ABCA13: variants seen among roughly 807,000 people sequenced by gnomAD.
ABCA13 encodes the protein ATP-binding cassette sub-family A member 13.
ABCA13 carries 476 observed loss-of-function variants against 478.7 expected under a neutral mutation model. The observed-to-expected ratio is 0.99, with a 90% CI of 0.92 to 1.07. ABCA13 has a LOEUF of 1.07. Among genes scored for constraint, ABCA13 ranks in the 50% least tolerant of loss-of-function variants. The pLI, the probability that ABCA13 is intolerant of heterozygous loss-of-function variation, is 0.00. For synonymous variants in ABCA13, 2,252 were observed against 2,158.9 expected (o/e 1.04, Z -1.20); for missense variants, 6,060 against 5,910.6 (o/e 1.03, Z -0.83).
intron 2 of ABCA13, among the ~76,000 whole-genome samples, chr7:48,197,919 G>A (rs1038349634): frequency 3.9e-5 from 6 of 152,054 alleles, no homozygotes; most frequent in South Asian, 2.1e-4. Flanking sequence ...TACAGAGAGC[G>A]GTGTCTGGAA....
At chr7:48,199,197 A>G (rs1020858043) in intron 3 of ABCA13, among the ~76,000 whole-genome samples, 5 of 152,382 alleles carry the variant, frequency 3.3e-5, no homozygotes, top group Admixed American at 3.3e-4. Context: ...GAGGAAAATT[A>G]AAAGTTTCCA....
chr7:48,412,956 C>T (rs113978527), intron 41 of ABCA13, among the ~76,000 whole-genome samples: 15 of 149,664 alleles, frequency 1.0e-4, no homozygotes, highest in African/African-American at 2.5e-4. Context: ...GGAATACAGG[C>T]GCCCGCCACC....
intron 35 of ABCA13, among the ~76,000 whole-genome samples, chr7:48,385,567 C>T (rs1396099088): frequency 6.6e-6 from 1 of 152,028 alleles, no homozygotes; most frequent in Non-Finnish European, 1.5e-5. Context: ...TTGTTGATGG[C>T]CATTTAGGTT....
chr7:48,416,820 G>A (rs1275488643), intron 41 of ABCA13, among the ~76,000 whole-genome samples: 2 of 151,884 alleles, frequency 1.3e-5, no homozygotes, highest in African/African-American at 4.8e-5. Context: ...TCTGATGTCT[G>A]CCCCTTCCCC....
At chr7:48,347,322 C>T (rs1808269408) in intron 29 of ABCA13, among the ~76,000 whole-genome samples, 1 of 152,112 alleles carries the variant, frequency 6.6e-6, no homozygotes, top group African/African-American at 2.4e-5. Context: ...ACACAAAAAT[C>T]AGTTATTTCA....
Position 48,372,194 on chromosome 7 carries a change from A to C in ABCA13, c.10830A>C (p.Pro3610=), listed in dbSNP as rs76698057. 7 of 1,613,596 alleles carry C rather than the reference A, an allele frequency of 4.3e-6. No individual in the cohort carries two copies. Among genetic ancestry groups the C allele is most frequent in the Non-Finnish European group, 5.9e-6 (7 of 1,179,630 alleles). ...ATATGCGGATGATGGGAGTGCATCC[A>C]GTGATCCATTTCCTGGCCTGGTTCC... ...EEYMRMMGVH[P]VIHFLAWFLE... The change falls in exon 33 of 62, where the codon CCA becomes CCC. Residue 3610 remains proline (P), a synonymous_variant. Transcript: ENST00000435803.
intron 59 of ABCA13, among the ~76,000 whole-genome samples, chr7:48,633,947 G>GATAGATAGATAC (rs1563532660): frequency 7.1e-4 from 100 of 139,876 alleles, no homozygotes; most frequent in African/African-American, 2.8e-3. Context: ...TAGATAGATA[G>GATAGATAGATAC]ATAGATAGAT....
Position 48,294,753 on chromosome 7 carries a change from A to G in ABCA13, c.8956-947A>G, listed in dbSNP as rs558958525. Among the ~76,000 whole-genome samples the G allele has an allele frequency of 2.0e-5, 3 of 152,178 alleles. No individual in the cohort carries two copies. In the East Asian group the frequency reaches 5.8e-4, roughly 29 times the overall value. On this transcript the variant is annotated intron_variant, in intron 20 of 61. Transcript: ENST00000435803. ...GAGCCACCGCGCCCGGCCCGTTTCTATGGGTTTGACTTTTAAAAAGTTTGA... is the reference window on the plus strand; with the variant it reads ...GAGCCACCGCGCCCGGCCCGTTTCTGTGGGTTTGACTTTTAAAAAGTTTGA...
intron 59 of ABCA13, among the ~76,000 whole-genome samples, chr7:48,624,019 G>A (rs1793412754): frequency 6.6e-6 from 1 of 151,236 alleles, no homozygotes; most frequent in Non-Finnish European, 1.5e-5. Context: ...AGCCCTATAT[G>A]GTATAGAGAT....
intron 42 of ABCA13, among the ~76,000 whole-genome samples, chr7:48,435,092 G>A (rs547947955): frequency 2.4e-4 from 36 of 151,856 alleles, no homozygotes; most frequent in African/African-American, 8.2e-4. Flanking sequence ...GATAGTTTTG[G>A]GTGGTATTGA....
At chr7:48,213,633 T>C (rs1359919009) in intron 3 of ABCA13, among the ~76,000 whole-genome samples, 1 of 152,212 alleles carries the variant, frequency 6.6e-6, no homozygotes, top group African/African-American at 2.4e-5. Flanking sequence ...TCATGAAAGA[T>C]TTCTCTGTAG....
At chr7:48,265,154 T>G (rs1794708404) in intron 15 of ABCA13, among the ~76,000 whole-genome samples, 1 of 151,736 alleles carries the variant, frequency 6.6e-6, no homozygotes, top group Non-Finnish European at 1.5e-5. Context: ...TTTGTCCATC[T>G]TTATACCAAA....
intron 19 of ABCA13, among the ~76,000 whole-genome samples, chr7:48,287,306 G>C (rs1354394786): frequency 6.6e-6 from 1 of 152,196 alleles, no homozygotes; most frequent in Non-Finnish European, 1.5e-5. Flanking sequence ...ATCTCCTTTG[G>C]GGAAGAGCCT....
intron 29 of ABCA13, among the ~76,000 whole-genome samples, chr7:48,349,700 G>A (rs898174443): frequency 1.3e-5 from 2 of 152,184 alleles, no homozygotes; most frequent in South Asian, 2.1e-4. Flanking sequence ...GCTGTCAGTG[G>A]GTACTGATGC....
At chr7:48,373,379 C>T (rs560632888) in intron 33 of ABCA13, among the ~76,000 whole-genome samples, 1 of 152,240 alleles carries the variant, frequency 6.6e-6, no homozygotes, top group African/African-American at 2.4e-5. Flanking sequence ...CATTTAGGGC[C>T]TAGAGTAAAA....
chr7:48,626,935 T>C (rs1405140860), intron 59 of ABCA13: 1 of 985,324 alleles, frequency 1.0e-6, no homozygotes, highest in Non-Finnish European at 1.2e-6. Context: ...AAACTTAAAG[T>C]TGGGGGTGAT....
In ABCA13 at chr7:48,411,120, C is replaced by CTCCTT. The variant is rs201048330; in HGVS notation, c.12228+465_12228+469dup. Among the ~76,000 whole-genome samples the CTCCTT allele has an allele frequency of 5.1e-4, 60 of 117,278 alleles. 4 individuals are homozygous for CTCCTT. In the South Asian group the frequency reaches 6.2e-3, roughly 12 times the overall value. 76.9% of individuals were successfully genotyped at this position (117,278 alleles called of 152,430 possible). Reference sequence around the variant, plus strand: ...TTCCTTTCCTTTTCTTTTTCTTTCTCTCCTTTCCTTTCCTTTCCTTTCCTT... The same window carrying CTCCTT: ...TTCCTTTCCTTTTCTTTTTCTTTCTCTCCTTTCCTTTCCTTTCCTTTCCTTTCCTT... On this transcript the variant is annotated intron_variant, in intron 40 of 61. Transcript: ENST00000435803.
chr7:48,312,753 C>T (rs1479870474), intron 24 of ABCA13, among the ~76,000 whole-genome samples: 4 of 152,188 alleles, frequency 2.6e-5, no homozygotes, highest in Admixed American at 2.6e-4. Context: ...TTTTGAGCCT[C>T]TTCTCAAATT....
Position 48,296,356 on chromosome 7 carries a change from T to A in ABCA13, c.9119+493T>A, listed in dbSNP as rs184654303. ...TCAAGGCTGCAGTGAGCAGTGATTG[T>A]GCTACTGCACTCCAGCCTGGCTGAC... is the stretch of plus-strand genomic sequence containing the variant. On this transcript the variant is annotated intron_variant, in intron 21 of 61. Coordinates refer to ENST00000435803, the MANE Select transcript of ABCA13 (RefSeq NM_152701.5). Among the ~76,000 whole-genome samples the A allele has an allele frequency of 3.4e-4, 52 of 152,310 alleles. 1 individual carries two copies. The highest frequency in any genetic ancestry group is 1.9e-3 in the Admixed American group (29 of 15,298).
Sources: gnomAD v4.1 joint callset for allele counts (sites outside exome capture counted in the v4.1 genomes callset) on GRCh38, gnomAD v4.1.1 for gene constraint, MANE v1.5 for transcripts, NCBI Gene and HGNC (gene_info 2026-07-23, HGNC 2026-07-21) for gene names.